Variants in MGAT4C observed in about 807,000 individuals in gnomAD.
MGAT4C encodes the protein MGAT4 family member C, also known as alpha-1,3-mannosyl-glycoprotein 4-beta-N-acetylglucosaminyltransferase C.
A neutral mutation model predicts 40.1 loss-of-function variants in MGAT4C; 19 were observed. The observed-to-expected ratio is 0.47, with a 90% CI of 0.33 to 0.70. The LOEUF (loss-of-function observed/expected upper bound fraction) is 0.70. Among genes scored for constraint, MGAT4C ranks in the 30% least tolerant of loss-of-function variants. MGAT4C has a pLI of 0.02. For missense variants in MGAT4C, 491 were observed against 563.2 expected (o/e 0.87, Z 1.30); for synonymous variants, 181 against 187.1 (o/e 0.97, Z 0.27).
chr12:86,061,186 C>G (rs1457892341), intron 1 of MGAT4C, among the ~76,000 whole-genome samples: 2 of 152,120 alleles, frequency 1.3e-5, no homozygotes, highest in African/African-American at 4.8e-5. Flanking sequence ...GCTGGTTGGA[C>G]AGTGGGTGCA....
chr12:86,557,161 A>T (rs969669859), intron 2 of MGAT4C, among the ~76,000 whole-genome samples: 8 of 152,146 alleles, frequency 5.3e-5, no homozygotes. Flanking sequence ...TTTCTCAGTA[A>T]ATTATTTCAT....
In MGAT4C at chr12:86,376,082, T is replaced by C. The variant is rs1475334742; in HGVS notation, c.-119-41955A>G. ...TCTACATTACACTCAAATTTGCAAA[T>C]GGATAGTTAAATTGAAAAAATGAGG... On this transcript the variant is annotated intron_variant, in intron 3 of 7. Transcript: ENST00000548651. 2.0e-5 allele frequency among the ~76,000 whole-genome samples: 3 copies of C among 151,806 alleles called. No homozygotes were observed. In the East Asian group the frequency reaches 5.8e-4, roughly 29 times the overall value.
chr12:86,488,743 A>G (rs1024133627), intron 2 of MGAT4C, among the ~76,000 whole-genome samples: 1 of 152,186 alleles, frequency 6.6e-6, no homozygotes, highest in African/African-American at 2.4e-5. Flanking sequence ...AGTCCTTCTT[A>G]ACATTAAGAT....
chr12:86,526,405 T>C (rs998162254), intron 2 of MGAT4C, among the ~76,000 whole-genome samples: 2 of 152,034 alleles, frequency 1.3e-5, no homozygotes, highest in African/African-American at 4.8e-5. Context: ...CAAAGTGATA[T>C]GGAGGGTTTC....
chr12:86,001,501 G>T, intron 2 of MGAT4C: 1 of 378,738 alleles, frequency 2.6e-6, no homozygotes, highest in Non-Finnish European at 3.6e-6. Context: ...TACCTTTGAA[G>T]CTTTCGTCTT....
chr12:86,630,964 G>A (rs947323425), intron 2 of MGAT4C, among the ~76,000 whole-genome samples: 2 of 152,144 alleles, frequency 1.3e-5, no homozygotes, highest in African/African-American at 2.4e-5. Context: ...AAGTCAAATT[G>A]TCCCTGTTTG....
rs1479954531 is a variant in MGAT4C, at chr12:86,356,043, AAT to A, written c.-119-21918_-119-21917del. 6.4e-4 allele frequency among the ~76,000 whole-genome samples: 98 copies of A among 152,174 alleles called. 1 individual carries two copies. Among genetic ancestry groups the A allele is most frequent in the African/African-American group, 2.0e-3 (84 of 41,446 alleles). On this transcript the variant is annotated intron_variant, in intron 3 of 7. Coordinates refer to the MGAT4C transcript ENST00000548651. ...AAGATATCTAGATTATATTTGAAGTAATAAAATATTAACGCTACATACAGAGT... is the reference window on the plus strand; with the variant it reads ...AAGATATCTAGATTATATTTGAAGTAAAAATATTAACGCTACATACAGAGT...
intron 1 of MGAT4C, among the ~76,000 whole-genome samples, chr12:86,107,352 T>A (rs1002867766): frequency 1.3e-5 from 2 of 152,006 alleles, no homozygotes; most frequent in Admixed American, 6.6e-5. Flanking sequence ...CTGAAAATCA[T>A]TGTATGTGTG....
intron 2 of MGAT4C, among the ~76,000 whole-genome samples, chr12:86,625,133 G>A (rs1346921713): frequency 6.6e-6 from 1 of 151,906 alleles, no homozygotes; most frequent in Non-Finnish European, 1.5e-5. Flanking sequence ...CTCTTTTTAG[G>A]GGGCTTTTTA....
At chr12:86,250,330 TGAGAGAGAGAGA>T (rs3047014) in intron 1 of MGAT4C, among the ~76,000 whole-genome samples, 3,616 of 142,738 alleles carry the variant, frequency 0.025, 86 homozygotes, top group African/African-American at 0.056. Context: ...ACACACACAC[TGAGAGAGAGAGA>T]GAGAGAGAGA....
intron 1 of MGAT4C, among the ~76,000 whole-genome samples, chr12:86,795,790 C>G (rs1329882854): frequency 6.6e-6 from 1 of 151,954 alleles, no homozygotes; most frequent in East Asian, 1.9e-4. Flanking sequence ...TTGATGCCTA[C>G]TTGCTCTGAA....
chr12:86,239,081 G>C (rs1483399706), intron 1 of MGAT4C, among the ~76,000 whole-genome samples: 1 of 151,922 alleles, frequency 6.6e-6, no homozygotes, highest in African/African-American at 2.4e-5. Flanking sequence ...GTGGCATTCG[G>C]CGAGTGTTCT....
At chr12:86,439,587 AC>A (rs766499188) in intron 2 of MGAT4C, among the ~76,000 whole-genome samples, 6 of 152,018 alleles carry the variant, frequency 3.9e-5, no homozygotes, top group Non-Finnish European at 8.8e-5. Context: ...CAAGAAAAAA[AC>A]AAATCCAAAG....
intron 2 of MGAT4C, among the ~76,000 whole-genome samples, chr12:86,570,612 C>T (rs976379893): frequency 6.6e-6 from 1 of 150,714 alleles, no homozygotes; most frequent in South Asian, 2.1e-4. Flanking sequence ...GGGAATAAAA[C>T]AAATGGAAAG....
intron 1 of MGAT4C, among the ~76,000 whole-genome samples, chr12:86,185,582 C>T (rs977669597): frequency 6.6e-6 from 1 of 152,066 alleles, no homozygotes; most frequent in Non-Finnish European, 1.5e-5. Flanking sequence ...TCTAATTCTG[C>T]CCCATTCTAA....
chr12:86,544,487 G>A (rs1436527593), intron 2 of MGAT4C, among the ~76,000 whole-genome samples: 3 of 151,702 alleles, frequency 2.0e-5, no homozygotes, highest in African/African-American at 7.3e-5. Context: ...AATTTTAGTT[G>A]GATAGTGATC....
At chr12:86,810,988 T>C (rs1188238110) in intron 1 of MGAT4C, among the ~76,000 whole-genome samples, 1 of 138,656 alleles carries the variant, frequency 7.2e-6, no homozygotes, top group East Asian at 2.0e-4. Flanking sequence ...AGTTTCTTGA[T>C]GTAGAAACTT....
chr12:86,523,980 T>C (rs1024209762), intron 2 of MGAT4C, among the ~76,000 whole-genome samples: 1 of 152,114 alleles, frequency 6.6e-6, no homozygotes, highest in Non-Finnish European at 1.5e-5. Context: ...ATGTGTGTTA[T>C]TGTATGTGAG....
rs980015866 is a variant in MGAT4C, at chr12:86,638,957, T to C, written c.-229+88252A>G. ...TGAGAGCCCTAATATCTTTCCATTA[T>C]AGTGCAATATGATGTAAAAAATGTC... On this transcript the variant is annotated intron_variant, in intron 2 of 7. Coordinates refer to the MGAT4C transcript ENST00000548651. Among the ~76,000 whole-genome samples the C allele has an allele frequency of 2.2e-4, 33 of 151,828 alleles. No homozygotes were observed. In the Admixed American group the frequency reaches 2.2e-3, roughly 10 times the overall value.
Sources: allele counts gnomAD v4.1 joint callset (sites outside exome capture counted in the v4.1 genomes callset), GRCh38; gene constraint gnomAD v4.1.1; transcripts MANE v1.5; gene names NCBI Gene and HGNC (gene_info 2026-07-23, HGNC 2026-07-21).